ETFDH: variants seen among roughly 807,000 people sequenced by gnomAD.
The protein encoded by ETFDH is electron transfer flavoprotein dehydrogenase.
In ETFDH, 61 loss-of-function variants were observed where a neutral mutation model predicts 73.2. The observed-to-expected ratio is 0.83, with a 90% confidence interval of 0.68 to 1.03. The LOEUF (loss-of-function observed/expected upper bound fraction) is 1.03, where lower values mean the gene tolerates loss of function less well. ETFDH is among the 50% of genes least tolerant of loss of function. The probability of loss-of-function intolerance (pLI) is 0.00; values close to 1 mark genes in which losing one functional copy is unlikely to be tolerated. For synonymous variants in ETFDH, 243 were observed against 253.3 expected (o/e 0.96, Z 0.39); for missense variants, 685 against 745.0 (o/e 0.92, Z 0.94).
At chr4:158,680,919 A>G (rs1397350426) in intron 2 of ETFDH, among the ~76,000 whole-genome samples, 1 of 152,164 alleles carries the variant, frequency 6.6e-6, no homozygotes, top group Non-Finnish European at 1.5e-5. Flanking sequence ...AACATACTCT[A>G]CTGCCAGTTC....
intron 1 of ETFDH, among the ~76,000 whole-genome samples, chr4:158,678,044 C>T (rs1480130082): frequency 6.6e-6 from 1 of 152,208 alleles, no homozygotes; most frequent in East Asian, 1.9e-4. Context: ...TTTAGATTTA[C>T]AGATAAGTTG....
Position 158,706,382 on chromosome 4 carries a change from CAA to C in ETFDH, c.1468+12_1468+13del, listed in dbSNP as rs769120603. 3.3e-5 allele frequency: 53 copies of C among 1,596,524 alleles called. No homozygotes were observed. The highest frequency in any genetic ancestry group is 4.0e-5 in the Non-Finnish European group (46 of 1,164,440). On this transcript the variant is annotated intron_variant, in intron 11 of 12. Coordinates refer to ENST00000511912, the MANE Select transcript of ETFDH (RefSeq NM_004453.4). Reference sequence around the variant, plus strand: ...CTCTGAAACATAAAGGTAATTCAAACAAGAGTATGAGTGACATGATCATTAAA... The same window carrying C: ...CTCTGAAACATAAAGGTAATTCAAACGAGTATGAGTGACATGATCATTAAA...
At chr4:158,697,797 T>G (rs1774351705) in intron 8 of ETFDH, 98 bp downstream of exon 8, 1 of 1,148,232 alleles carries the variant, frequency 8.7e-7, no homozygotes, top group Admixed American at 1.8e-5. Context: ...TGTAAAATGC[T>G]TTTTATTTAA....
intron 1 of ETFDH, among the ~76,000 whole-genome samples, chr4:158,673,780 A>G (rs1773643467): frequency 6.6e-6 from 1 of 152,066 alleles, no homozygotes; most frequent in South Asian, 2.1e-4. Flanking sequence ...TTCCACTACC[A>G]TTTCTGTTTT....
chr4:158,683,979 C>T (rs1205141677), intron 3 of ETFDH, among the ~76,000 whole-genome samples: 1 of 152,114 alleles, frequency 6.6e-6, no homozygotes, highest in African/African-American at 2.4e-5. Context: ...ACTTAAGAGC[C>T]AAGCAACTTG....
At chr4:158,680,430 T>C (rs1440038613) in intron 1 of ETFDH, 37 bp from the exon 2 acceptor site, 1 of 1,543,236 alleles carries the variant, frequency 6.5e-7, no homozygotes. Context: ...GAAAACTAAT[T>C]TTAAGGAAGA....
Position 158,690,345 on chromosome 4 carries a change from T to G in ETFDH, c.607-3T>G. 6.4e-7 allele frequency: 1 copy of G among 1,555,128 alleles called. No homozygotes were observed. The highest frequency in any genetic ancestry group is 8.9e-7 in the Non-Finnish European group (1 of 1,126,190). On this transcript the variant is annotated splice_polypyrimidine_tract_variant and splice_region_variant and intron_variant, in intron 5 of 12. Transcript: ENST00000511912. ...TAATAAATTTGTTTTTTATCATTTTTAGGTCCTTTTTCATGATGATGGTAG... is the reference window on the plus strand; with the variant it reads ...TAATAAATTTGTTTTTTATCATTTTGAGGTCCTTTTTCATGATGATGGTAG...
chr4:158,706,816 A>T lies in ETFDH; in HGVS notation c.1656A>T (p.Ile552=). 5 of 1,613,050 alleles carry T rather than the reference A, an allele frequency of 3.1e-6. No homozygotes were observed. The highest frequency in any genetic ancestry group is 4.2e-6 in the Non-Finnish European group (5 of 1,179,004). The change falls in exon 12 of 13, where the codon ATA becomes ATT. Residue 552 remains isoleucine, a synonymous_variant. Coordinates refer to ENST00000511912, the MANE Select transcript of ETFDH (RefSeq NM_004453.4). ...TACCTGTAAATAGAAATCTGTCGAT[A>T]TATGATGGGCCCGAGCAGCGATTCT... ...DSIPVNRNLS[I]YDGPEQRFCP...
At chr4:158,696,270 C>G (rs1561246002) in intron 7 of ETFDH, among the ~76,000 whole-genome samples, 3 of 152,102 alleles carry the variant, frequency 2.0e-5, no homozygotes, top group Admixed American at 2.0e-4. Context: ...TTTTGAGAGG[C>G]CAAGGCAAGA....
At chr4:158,675,652 C>G (rs1773693632) in intron 1 of ETFDH, among the ~76,000 whole-genome samples, 1 of 151,962 alleles carries the variant, frequency 6.6e-6, no homozygotes, top group African/African-American at 2.4e-5. Flanking sequence ...ACCTGTAGCC[C>G]TAGCTACTCA....
chr4:158,697,810 C>T, intron 8 of ETFDH, 111 bp downstream of exon 8: 2 of 1,033,962 alleles, frequency 1.9e-6, no homozygotes, highest in African/African-American at 1.6e-5. Context: ...TTATTTAAAG[C>T]TTTCTAATTT....
At chr4:158,684,190 G>A (rs1260988435) in intron 3 of ETFDH, among the ~76,000 whole-genome samples, 1 of 152,142 alleles carries the variant, frequency 6.6e-6, no homozygotes, top group Non-Finnish European at 1.5e-5. Flanking sequence ...AGGAGTTCGA[G>A]ACCAGCCTGG....
At chr4:158,693,782 TC>T (rs1212586837) in intron 6 of ETFDH, among the ~76,000 whole-genome samples, 1 of 152,202 alleles carries the variant, frequency 6.6e-6, no homozygotes, top group African/African-American at 2.4e-5. Context: ...GTTAAACACT[TC>T]TTTATACCAA....
Position 158,685,234 on chromosome 4 carries a change from G to A in ETFDH, c.606+15G>A. On this transcript the variant is annotated intron_variant, in intron 5 of 12. Coordinates refer to ENST00000511912, the MANE Select transcript of ETFDH (RefSeq NM_004453.4). ...CAGCTGCTGAGGTTTGTATAGTTTT[G>A]TTTTGTTTTAATATTTATAGGAACT... The A allele has an allele frequency of 7.1e-7, 1 of 1,411,952 alleles. No individual in the cohort carries two copies. Among genetic ancestry groups the A allele is most frequent in the Non-Finnish European group, 1.0e-6 (1 of 996,150 alleles). 87.5% of individuals were successfully genotyped at this position (1,411,952 alleles called of 1,614,324 possible).
chr4:158,692,399 CAAAAAAAAAA>C (rs35615738), intron 6 of ETFDH, among the ~76,000 whole-genome samples: 6 of 91,454 alleles, frequency 6.6e-5, no homozygotes, highest in Admixed American at 1.2e-4. Context: ...GACACCGTCT[CAAAAAAAAAA>C]AAAAAAAAAA....
rs752973293 is a variant in ETFDH, at chr4:158,708,450, GAT to G, written c.1780_1781del (p.Ile594Ter). ...AQNCVHCKTCDIKDPSQNINW... is the reference protein window; with the variant it reads ...AQNCVHCKTCXIKDPSQNINW... ...GAACTGTGTACATTGTAAAACATGT[GAT>G]ATTAAAGATCCAAGTCAGAATATTA... is the stretch of plus-strand genomic sequence containing the variant. On this transcript the variant is annotated frameshift_variant, in exon 13 of 13. Transcript: ENST00000511912. LOFTEE classifies it high-confidence loss of function. The G allele has an allele frequency of 6.2e-7, 1 of 1,611,328 alleles. No homozygotes were observed. Among genetic ancestry groups the G allele is most frequent in the Non-Finnish European group, 8.5e-7 (1 of 1,177,480 alleles).
At chr4:158,685,552 C>T (rs994075727) in intron 5 of ETFDH, among the ~76,000 whole-genome samples, 1 of 152,166 alleles carries the variant, frequency 6.6e-6, no homozygotes, top group African/African-American at 2.4e-5. Flanking sequence ...GGACAACTTT[C>T]TAATTATAAT....
chr4:158,690,939 G>C (rs1163986407), intron 6 of ETFDH, among the ~76,000 whole-genome samples: 2 of 152,018 alleles, frequency 1.3e-5, no homozygotes, highest in African/African-American at 2.4e-5. Context: ...GTGGGTGTTA[G>C]AATACAGTAA....
chr4:158,704,142 T>TA (rs1658387400), intron 10 of ETFDH, among the ~76,000 whole-genome samples: 2 of 152,308 alleles, frequency 1.3e-5, no homozygotes, highest in African/African-American at 4.8e-5. Context: ...CCCACCTAGT[T>TA]AGAAACTATT....
Sources: gnomAD v4.1 joint callset for allele counts (sites outside exome capture counted in the v4.1 genomes callset) on GRCh38, gnomAD v4.1.1 for gene constraint, MANE v1.5 for transcripts, NCBI Gene and HGNC (gene_info 2026-07-23, HGNC 2026-07-21) for gene names.